The following FYB1 variants were observed in gnomAD, a reference collection of about 807,000 sequenced individuals.
FYB1 encodes FYN binding protein 1.
In FYB1, 41 loss-of-function variants were observed where a neutral mutation model predicts 94.1. The observed-to-expected ratio is 0.44, with a 90% CI of 0.34 to 0.57. The LOEUF (loss-of-function observed/expected upper bound fraction) is 0.57. Among genes scored for constraint, FYB1 ranks in the 20% least tolerant of loss-of-function variants. FYB1 has a pLI of 0.02. For synonymous variants in FYB1, 367 were observed against 353.2 expected (o/e 1.04, Z -0.44); for missense variants, 1,050 against 976.8 (o/e 1.07, Z -1.00).
chr5:39,120,224 TTGTGTGTGTG>T (rs10532379), intron 14 of FYB1, among the ~76,000 whole-genome samples: 7 of 147,650 alleles, frequency 4.7e-5, no homozygotes, highest in African/African-American at 1.7e-4. Flanking sequence ...CCTTTATCAA[TTGTGTGTGTG>T]TGTGTGTGTG....
intron 2 of FYB1, among the ~76,000 whole-genome samples, chr5:39,184,384 A>G (rs1462473088): frequency 1.3e-5 from 2 of 152,148 alleles, no homozygotes; most frequent in Non-Finnish European, 2.9e-5. Flanking sequence ...AAAATCAATA[A>G]TGTTGTTTGA....
chr5:39,120,866 C>A (rs1368316996), intron 14 of FYB1, among the ~76,000 whole-genome samples: 1 of 151,942 alleles, frequency 6.6e-6, no homozygotes, highest in Non-Finnish European at 1.5e-5. Flanking sequence ...GTACTGCCTG[C>A]CTATGGTAGT....
At chr5:39,217,281 A>G (rs1157655386) in intron 1 of FYB1, among the ~76,000 whole-genome samples, 1 of 152,248 alleles carries the variant, frequency 6.6e-6, no homozygotes. Context: ...CGTTTGAGAA[A>G]GGAAAAAATC....
chr5:39,263,679 GTTTA>G (rs1166134935), intron 1 of FYB1, among the ~76,000 whole-genome samples: 1 of 152,140 alleles, frequency 6.6e-6, no homozygotes, highest in Non-Finnish European at 1.5e-5. Flanking sequence ...ATGGCCTACA[GTTTA>G]TTTATTTTCA....
At chr5:39,228,724 C>G (rs149859787) in intron 1 of FYB1, among the ~76,000 whole-genome samples, 1 of 152,188 alleles carries the variant, frequency 6.6e-6, no homozygotes, top group Non-Finnish European at 1.5e-5. Flanking sequence ...AAAATCAAGA[C>G]AAAAAAGTAG....
At chr5:39,198,693 T>C (rs1178755948) in intron 2 of FYB1, among the ~76,000 whole-genome samples, 3 of 152,194 alleles carry the variant, frequency 2.0e-5, no homozygotes, top group Admixed American at 2.0e-4. Flanking sequence ...TGTAGGCTAA[T>C]GTAAGTGTTC....
intron 1 of FYB1, chr5:39,250,735 A>G (rs1379717929): frequency 6.6e-6 from 1 of 152,132 alleles, no homozygotes; most frequent in Non-Finnish European, 1.5e-5. Context: ...AGATCTTATC[A>G]CCTCTGGGGT....
intron 1 of FYB1, among the ~76,000 whole-genome samples, chr5:39,215,499 C>T (rs968608274): frequency 1.3e-5 from 2 of 152,146 alleles, no homozygotes; most frequent in Admixed American, 6.5e-5. Flanking sequence ...TGGTCCAACC[C>T]ACCCTGCTGT....
At chr5:39,177,930 C>A (rs1237995477) in intron 2 of FYB1, among the ~76,000 whole-genome samples, 1 of 152,194 alleles carries the variant, frequency 6.6e-6, no homozygotes, top group Admixed American at 6.5e-5. Flanking sequence ...AGATTTAGAA[C>A]AATGACTTTA....
At chr5:39,219,810 GT>G (rs1750150238), upstream of FYB1, among the ~76,000 whole-genome samples, 1 of 152,190 alleles carries the variant, frequency 6.6e-6, no homozygotes, top group Non-Finnish European at 1.5e-5. Context: ...CTGCCACCAT[GT>G]TTATTCAAGA....
Position 39,119,120 on chromosome 5 carries a change from T to G in FYB1, c.2239-84A>C, listed in dbSNP as rs427829. On this transcript the variant is annotated intron_variant, in intron 15 of 18. Coordinates refer to ENST00000512982, the MANE Select transcript of FYB1 (RefSeq NM_001465.6). ...ATTTATGGATGGATTTATTAAAAAG[T>G]TATTTGCTAAAGAGATAATTCAGTG... 561,874 of 629,782 alleles carry G rather than the reference T, an allele frequency of 0.89. 253,189 individuals carry two copies. Among genetic ancestry groups the G allele is most frequent in the Non-Finnish European group, 0.93 (382,365 of 410,624 alleles). The allele number at this position is 629,782 out of a possible 1,614,324, so 39.0% of individuals were successfully genotyped here.
At chr5:39,186,534 A>G (rs932312315) in intron 2 of FYB1, among the ~76,000 whole-genome samples, 2 of 152,132 alleles carry the variant, frequency 1.3e-5, no homozygotes, top group Non-Finnish European at 2.9e-5. Flanking sequence ...GAGGCACAGG[A>G]AGAGACTGCA....
At chr5:39,273,192 GAATAGA>G (rs781105179) in intron 1 of FYB1, among the ~76,000 whole-genome samples, 25 of 152,232 alleles carry the variant, frequency 1.6e-4, no homozygotes, top group Non-Finnish European at 2.9e-4. Context: ...CGGTTTTGTG[GAATAGA>G]AAAGGGGAAA....
intron 9 of FYB1, among the ~76,000 whole-genome samples, chr5:39,131,108 T>C (rs1245145438): frequency 6.6e-6 from 1 of 152,200 alleles, no homozygotes; most frequent in African/African-American, 2.4e-5. Flanking sequence ...GAAATCTCAT[T>C]CAGGGGGCTT....
chr5:39,174,936 C>T (rs766850806), intron 2 of FYB1, among the ~76,000 whole-genome samples: 17 of 152,258 alleles, frequency 1.1e-4, no homozygotes, highest in Non-Finnish European at 1.5e-4. Context: ...CCTCTTCTCC[C>T]ATAGAGAAAC....
intron 2 of FYB1, among the ~76,000 whole-genome samples, chr5:39,174,496 A>G (rs1745527466): frequency 6.6e-6 from 1 of 152,232 alleles, no homozygotes; most frequent in Non-Finnish European, 1.5e-5. Flanking sequence ...GGACTTTAAC[A>G]CATGGAATAA....
At chr5:39,108,161 A>C in intron 18 of FYB1, 70 bp downstream of exon 18, 2 of 1,376,632 alleles carry the variant, frequency 1.5e-6, no homozygotes, top group Non-Finnish European at 2.0e-6. Flanking sequence ...CCAACAAGCT[A>C]TTTTTAGCAT....
chr5:39,225,371 A>G (rs1750427503), intron 1 of FYB1, among the ~76,000 whole-genome samples: 1 of 152,206 alleles, frequency 6.6e-6, no homozygotes, highest in Admixed American at 6.5e-5. Context: ...AACTTTACCA[A>G]TTAGAATGGC....
At chr5:39,229,198 T>C (rs999197270) in intron 1 of FYB1, among the ~76,000 whole-genome samples, 3 of 152,106 alleles carry the variant, frequency 2.0e-5, no homozygotes, top group Non-Finnish European at 4.4e-5. Flanking sequence ...GGGCTGATAC[T>C]CCCTTACTAA....
Sources: gnomAD v4.1 joint callset for allele counts (sites outside exome capture counted in the v4.1 genomes callset) on GRCh38, gnomAD v4.1.1 for gene constraint, MANE v1.5 for transcripts, NCBI Gene and HGNC (gene_info 2026-07-23, HGNC 2026-07-21) for gene names.